LRP1B: variants seen among roughly 807,000 people sequenced by gnomAD.
LRP1B encodes low-density lipoprotein receptor-related protein 1B.
A neutral mutation model predicts 556.6 loss-of-function variants in LRP1B; 217 were observed. The ratio of observed to expected loss-of-function variants is 0.39; its 90% CI spans 0.35 to 0.44. The LOEUF (loss-of-function observed/expected upper bound fraction) is 0.44. Ranked by LOEUF, LRP1B falls within the 20% of genes least tolerant of loss-of-function variation. LRP1B has a pLI of 1.00. For missense variants in LRP1B, 5,053 were observed against 5,620.8 expected (o/e 0.90, Z 3.23); for synonymous variants, 2,047 against 1,865.8 (o/e 1.10, Z -2.50).
chr2:140,539,719 C>T (rs1680064441), intron 45 of LRP1B, among the ~76,000 whole-genome samples: 3 of 152,064 alleles, frequency 2.0e-5, no homozygotes, highest in African/African-American at 7.2e-5. Flanking sequence ...CAGATCCAGA[C>T]CATTACAGCT....
At chr2:140,292,304 T>C (rs1441572328) in intron 84 of LRP1B, among the ~76,000 whole-genome samples, 1 of 152,196 alleles carries the variant, frequency 6.6e-6, no homozygotes, top group Non-Finnish European at 1.5e-5. Context: ...AAATAACGTG[T>C]CATAGCAACA....
At chr2:141,000,370 A>T (rs1023344474) in intron 15 of LRP1B, among the ~76,000 whole-genome samples, 1 of 152,144 alleles carries the variant, frequency 6.6e-6, no homozygotes, top group Non-Finnish European at 1.5e-5. Context: ...GAGGTGTAAT[A>T]GTCAGTAAAG....
chr2:140,296,918 T>C (rs1683628126), intron 84 of LRP1B, among the ~76,000 whole-genome samples: 1 of 152,012 alleles, frequency 6.6e-6, no homozygotes, highest in Admixed American at 6.6e-5. Flanking sequence ...AATGCTTCTG[T>C]TAAAAAAGAG....
chr2:141,740,866 T>G (rs1693672333), intron 2 of LRP1B, among the ~76,000 whole-genome samples: 1 of 152,058 alleles, frequency 6.6e-6, no homozygotes, highest in Non-Finnish European at 1.5e-5. Flanking sequence ...TGTCCATGTT[T>G]TTTTCCTTTT....
intron 3 of LRP1B, among the ~76,000 whole-genome samples, chr2:141,309,312 G>T (rs1176264458): frequency 1.3e-5 from 2 of 152,150 alleles, no homozygotes. Context: ...TTCTACAAAA[G>T]AATTCTTATG....
At chr2:141,025,946 C>T (rs144130622) in intron 11 of LRP1B, among the ~76,000 whole-genome samples, 14 of 152,130 alleles carry the variant, frequency 9.2e-5, no homozygotes, top group Non-Finnish European at 8.8e-5. Context: ...CCTAGAGATA[C>T]GCAAGGGGCA....
Position 140,273,628 on chromosome 2 carries a change from G to C in LRP1B, c.13142+796C>G, listed in dbSNP as rs376778519. Among the ~76,000 whole-genome samples, 138 of 152,050 alleles carry C rather than the reference G, an allele frequency of 9.1e-4. No homozygotes were observed. The South Asian group carries it at 0.028, about 31-fold the overall frequency. ...GAAGCTGTGACATGGACACTTTATG[G>C]CATGCTTTCCTGTCTCATATTCTTA... On this transcript the variant is annotated intron_variant, in intron 85 of 90. Coordinates refer to ENST00000389484, the MANE Select transcript of LRP1B (RefSeq NM_018557.3).
chr2:141,633,121 C>T (rs1688974357), intron 2 of LRP1B, among the ~76,000 whole-genome samples: 1 of 151,992 alleles, frequency 6.6e-6, no homozygotes, highest in African/African-American at 2.4e-5. Flanking sequence ...ATTGCCTTTG[C>T]CCACCCTGAG....
rs145054583 is a variant in LRP1B, at chr2:141,095,724, C to A, written c.1014-33451G>T. Among the ~76,000 whole-genome samples, 1,082 of 152,074 alleles carry A rather than the reference C, an allele frequency of 7.1e-3. 10 individuals are homozygous for A. The highest frequency in any genetic ancestry group is 6.9e-3 in the Non-Finnish European group (470 of 67,994). ...GGTTTTCAAGTGGCAACAAGAGCAC[C>A]TGTTCTCAACATGAATGTGATTTGC... On this transcript the variant is annotated intron_variant, in intron 7 of 90. Coordinates refer to ENST00000389484, the MANE Select transcript of LRP1B (RefSeq NM_018557.3).
chr2:141,376,459 A>G (rs1220681227), intron 3 of LRP1B, among the ~76,000 whole-genome samples: 1 of 152,132 alleles, frequency 6.6e-6, no homozygotes. Context: ...TCTCTGGTGT[A>G]TCATATTATT....
chr2:140,842,117 A>C (rs1364130617), intron 29 of LRP1B, among the ~76,000 whole-genome samples: 2 of 152,196 alleles, frequency 1.3e-5, no homozygotes, highest in Non-Finnish European at 2.9e-5. Context: ...TTCCAATCAA[A>C]ACTTCTGAGC....
At chr2:140,582,708 C>T (rs1681822640) in intron 43 of LRP1B, among the ~76,000 whole-genome samples, 1 of 152,108 alleles carries the variant, frequency 6.6e-6, no homozygotes, top group Non-Finnish European at 1.5e-5. Context: ...CCTGCTGGTG[C>T]CTTGATCTTT....
intron 21 of LRP1B, among the ~76,000 whole-genome samples, chr2:140,921,742 G>A (rs1352158693): frequency 6.6e-6 from 1 of 151,978 alleles, no homozygotes; most frequent in Non-Finnish European, 1.5e-5. Flanking sequence ...AAAGGCTTCA[G>A]GAGTATGTAT....
rs976135589 is a variant in LRP1B, at chr2:140,526,378, C to T, written c.7763-28G>A. The T allele has an allele frequency of 4.7e-6, 6 of 1,278,180 alleles. No homozygotes were observed. The Admixed American group carries it at 6.8e-5, about 14-fold the overall frequency. 79.2% of individuals were successfully genotyped at this position (1,278,180 alleles called of 1,614,324 possible). A position where few individuals can be genotyped will look rare whatever the true frequency, so the allele number is the denominator to read the frequency against. On this transcript the variant is annotated intron_variant, in intron 47 of 90. Coordinates refer to ENST00000389484, the MANE Select transcript of LRP1B (RefSeq NM_018557.3). ...AGAAAAACAGGTACATAAACAAATG[C>T]AAAGATGGGACAGAATGACTCCTTG...
At chr2:141,861,122 A>G (rs973933623) in intron 1 of LRP1B, among the ~76,000 whole-genome samples, 1 of 152,212 alleles carries the variant, frequency 6.6e-6, no homozygotes, top group Non-Finnish European at 1.5e-5. Flanking sequence ...TATAAACTAG[A>G]AACTTTTTTC....
At chr2:141,146,639 A>C (rs1701791062) in intron 7 of LRP1B, among the ~76,000 whole-genome samples, 1 of 152,226 alleles carries the variant, frequency 6.6e-6, no homozygotes, top group African/African-American at 2.4e-5. Context: ...ATATAAACAC[A>C]CACATATATG....
At chr2:142,037,230 T>C (rs1319012684) in intron 1 of LRP1B, among the ~76,000 whole-genome samples, 1 of 151,648 alleles carries the variant, frequency 6.6e-6, no homozygotes, top group Non-Finnish European at 1.5e-5. Flanking sequence ...CTGCATTCTC[T>C]CTGAGAAAGC....
rs1171471344 is a variant in LRP1B at position 142,102,555 on chromosome 2, AAAAAAT to A, written c.82+28087_82+28092del. Among the ~76,000 whole-genome samples, 7 of 115,800 alleles carry A rather than the reference AAAAAAT, an allele frequency of 6.0e-5. No individual in the cohort carries two copies. In the East Asian group the frequency reaches 1.1e-3, roughly 19 times the overall value. 76.0% of individuals were successfully genotyped at this position (115,800 alleles called of 152,430 possible). On this transcript the variant is annotated intron_variant, in intron 1 of 90. Coordinates refer to ENST00000389484, the MANE Select transcript of LRP1B (RefSeq NM_018557.3). ...AAGGTGAAAAAATTAAAATAAAATA[AAAAAAT>A]AAAAAAGTAATTACATTCTTAAAAT...
At chr2:142,004,615 G>A (rs1044022000) in intron 1 of LRP1B, among the ~76,000 whole-genome samples, 7 of 152,072 alleles carry the variant, frequency 4.6e-5, no homozygotes, top group Non-Finnish European at 1.0e-4. Context: ...GGAGGCTGAG[G>A]GGGGTGGATC....
Sources: gnomAD v4.1 joint callset for allele counts (sites outside exome capture counted in the v4.1 genomes callset) on GRCh38, gnomAD v4.1.1 for gene constraint, MANE v1.5 for transcripts, NCBI Gene and HGNC (gene_info 2026-07-23, HGNC 2026-07-21) for gene names.